DHRSX: variants seen among roughly 807,000 people sequenced by gnomAD.
DHRSX encodes the protein dehydrogenase/reductase X-linked.
Under a neutral mutation model 34.0 loss-of-function variants are expected in DHRSX, and 31 were observed. That is an observed-to-expected ratio of 0.91 (90% CI 0.69 to 1.23). DHRSX has a LOEUF of 1.23. DHRSX is among the 50% of genes most tolerant of loss of function. The pLI is 0.00. For synonymous variants in DHRSX, 201 were observed against 183.8 expected (o/e 1.09, Z -0.76); for missense variants, 414 against 428.1 (o/e 0.97, Z 0.29).
chrX:2,261,356 G>C (rs1187230813), intron 5 of DHRSX: 1 of 152,068 alleles, frequency 6.6e-6, no homozygotes, highest in African/African-American at 2.4e-5. Context: ...AGGTGATAAT[G>C]AGGCTCAATT....
intron 6 of DHRSX, among the ~76,000 whole-genome samples, chrX:2,231,071 G>A (rs1174560006): frequency 1.3e-5 from 2 of 152,112 alleles, no homozygotes; most frequent in African/African-American, 4.8e-5. Context: ...AAAGCACAGA[G>A]ACTGCTGGCT....
chrX:2,303,300 G>A lies in DHRSX; in HGVS notation c.287-11697C>T, dbSNP rs144793929. Among the ~76,000 whole-genome samples the A allele has an allele frequency of 1.4e-3, 215 of 152,212 alleles. 4 individuals are homozygous for A. The East Asian group carries it at 0.033, about 24-fold the overall frequency. ...CAAATCTCATGTTGAATTGTAATCC[G>A]CAGTGTTGGAGGAGTGGCCTGGGGA... On this transcript the variant is annotated intron_variant, in intron 3 of 6. Coordinates refer to ENST00000334651, the MANE Select transcript of DHRSX (RefSeq NM_145177.3).
chrX:2,243,786 C>CTCTTTT (rs2016202191), intron 5 of DHRSX, among the ~76,000 whole-genome samples: 1 of 25,118 alleles, frequency 4.0e-5, no homozygotes, highest in Non-Finnish European at 1.1e-4. Flanking sequence ...ACTATGCTCC[C>CTCTTTT]TGTTTTTTTT....
chrX:2,304,594 C>A (rs2042078463), intron 3 of DHRSX, among the ~76,000 whole-genome samples: 1 of 151,914 alleles, frequency 6.6e-6, no homozygotes, highest in South Asian at 2.1e-4. Flanking sequence ...TGTAGCATCT[C>A]CCCAGCCCAC....
chrX:2,332,343 A>G (rs1343630591), intron 3 of DHRSX, among the ~76,000 whole-genome samples: 1 of 152,178 alleles, frequency 6.6e-6, no homozygotes, highest in Non-Finnish European at 1.5e-5. Context: ...TATGCCAGGA[A>G]GGGAAGGGAA....
chrX:2,331,436 GTTTTTTTTTTTT>G lies in DHRSX; in HGVS notation c.287-39845_287-39834del, dbSNP rs1159991841. 7.5e-4 allele frequency among the ~76,000 whole-genome samples: 71 copies of G among 94,664 alleles called. 1 individual carries two copies. In the East Asian group the frequency reaches 0.018, roughly 24 times the overall value. The allele number at this position is 94,664 out of a possible 152,430, so 62.1% of individuals were successfully genotyped here. On this transcript the variant is annotated intron_variant, in intron 3 of 6. Coordinates refer to ENST00000334651, the MANE Select transcript of DHRSX (RefSeq NM_145177.3). ...GGAATCCTTTCAGGAAGGTTTTTTG[GTTTTTTTTTTTT>G]TTTTTTTTTTTTTTTTGAGACGGAG...
intron 1 of DHRSX, among the ~76,000 whole-genome samples, chrX:2,432,559 G>A (rs1436011764): frequency 6.6e-6 from 1 of 152,166 alleles, no homozygotes; most frequent in East Asian, 1.9e-4. Context: ...TAGGCCAACT[G>A]CATGTGGAAA....
At chrX:2,466,104 G>A (rs753589310) in intron 1 of DHRSX, among the ~76,000 whole-genome samples, 54 of 152,300 alleles carry the variant, frequency 3.5e-4, no homozygotes, top group African/African-American at 1.3e-3. Flanking sequence ...ATAAAGAAAG[G>A]GTGGAGCATA....
intron 3 of DHRSX, among the ~76,000 whole-genome samples, chrX:2,340,570 T>C (rs1268942452): frequency 6.6e-6 from 1 of 152,052 alleles, no homozygotes; most frequent in African/African-American, 2.4e-5. Flanking sequence ...TTATTGCCTG[T>C]GGACATCAGA....
In DHRSX at chrX:2,221,075, C is replaced by G; in HGVS notation, c.959G>C (p.Cys320Ser). 1 of 1,613,940 alleles carries G rather than the reference C, an allele frequency of 6.2e-7. No individual in the cohort carries two copies. Among genetic ancestry groups the G allele is most frequent in the Non-Finnish European group, 8.5e-7 (1 of 1,179,850 alleles). ...KLQQQLWSKS[C>S]EMTGVLDVTL ...CACATCAAGGACCCCAGTCATCTCA[C>G]AACTCTTAGACCACAGCTGCTGCTG... The change falls in exon 7 of 7, where the codon TGT (cysteine) becomes TCT (serine). Residue 320 changes from cysteine to serine, a missense_variant. Cys to Ser is a moderately radical substitution (Grantham distance 112, BLOSUM62 -1). Transcript: ENST00000334651.
At chrX:2,485,749 G>GGGAAGGAAGGGAGAGAA (rs1441135702) in intron 1 of DHRSX, among the ~76,000 whole-genome samples, 3 of 56,696 alleles carry the variant, frequency 5.3e-5, no homozygotes, top group Admixed American at 3.6e-4. Context: ...AGAGAAGGGA[G>GGGAAGGAAGGGAGAGAA]GGAAGGAAGG....
At chrX:2,377,574 G>A (rs1378098318) in intron 3 of DHRSX, among the ~76,000 whole-genome samples, 1 of 152,126 alleles carries the variant, frequency 6.6e-6, no homozygotes, top group African/African-American at 2.4e-5. Flanking sequence ...CAGCCAGGGG[G>A]TTGGAGTCCT....
At chrX:2,412,441 G>A (rs1473498213) in intron 2 of DHRSX, among the ~76,000 whole-genome samples, 1 of 151,876 alleles carries the variant, frequency 6.6e-6, no homozygotes, top group African/African-American at 2.4e-5. Flanking sequence ...ATAGTTTGAT[G>A]TTGTCGTCAT....
At chrX:2,305,350 G>T (rs2042086189) in intron 3 of DHRSX, among the ~76,000 whole-genome samples, 1 of 152,170 alleles carries the variant, frequency 6.6e-6, no homozygotes, top group Non-Finnish European at 1.5e-5. Flanking sequence ...ACAGATGCTG[G>T]AGAGGATGTG....
intron 6 of DHRSX, among the ~76,000 whole-genome samples, chrX:2,224,222 G>A (rs979883115): frequency 1.9e-4 from 28 of 146,356 alleles, no homozygotes; most frequent in South Asian, 1.1e-3. Context: ...GCCTCCACCC[G>A]GAGAGGCCCC....
At chrX:2,450,635 A>G (rs2044203781) in intron 1 of DHRSX, among the ~76,000 whole-genome samples, 1 of 152,022 alleles carries the variant, frequency 6.6e-6, no homozygotes, top group Non-Finnish European at 1.5e-5. Flanking sequence ...AAGATTTTAT[A>G]AGCCCAAGTC....
At chrX:2,251,046 G>C (rs2016424264) in intron 5 of DHRSX, among the ~76,000 whole-genome samples, 1 of 152,104 alleles carries the variant, frequency 6.6e-6, no homozygotes, top group Admixed American at 6.6e-5. Context: ...ATGCTTGCAT[G>C]AGGACAAGTG....
intron 6 of DHRSX, among the ~76,000 whole-genome samples, chrX:2,224,991 T>C (rs1369156771): frequency 6.9e-6 from 1 of 145,234 alleles, no homozygotes; most frequent in African/African-American, 2.6e-5. Flanking sequence ...CTAATTCACA[T>C]GCACACACAC....
At chrX:2,489,912 T>A (rs755647880) in intron 1 of DHRSX, 1 of 1,613,840 alleles carries the variant, frequency 6.2e-7, no homozygotes, top group East Asian at 2.2e-5. Context: ...TTGCCATAGT[T>A]GGTGGTGGCC....
Sources: gnomAD v4.1 joint callset for allele counts (sites outside exome capture counted in the v4.1 genomes callset) on GRCh38, gnomAD v4.1.1 for gene constraint, MANE v1.5 for transcripts, NCBI Gene and HGNC (gene_info 2026-07-23, HGNC 2026-07-21) for gene names.